The following FAM114A2 variants were observed in gnomAD, a reference collection of about 807,000 sequenced individuals.
The protein encoded by FAM114A2 is protein FAM114A2.
In FAM114A2, 53 loss-of-function variants were observed where a neutral mutation model predicts 58.4. The ratio of observed to expected loss-of-function variants is 0.91; its 90% confidence interval spans 0.73 to 1.14. The LOEUF is 1.14. FAM114A2 is among the 50% of genes most tolerant of loss of function. The pLI is 0.00. For synonymous variants in FAM114A2, 228 were observed against 211.4 expected (o/e 1.08, Z -0.68); for missense variants, 601 against 581.1 (o/e 1.03, Z -0.35).
chr5:154,005,469 C>T (rs1247047075), intron 9 of FAM114A2, among the ~76,000 whole-genome samples: 1 of 152,156 alleles, frequency 6.6e-6, no homozygotes, highest in African/African-American at 2.4e-5. Context: ...GTAAGAGTTA[C>T]CGAAATGGAA....
In FAM114A2 at chr5:154,028,204, T is replaced by C; in HGVS notation, c.575A>G (p.Asp192Gly). ...ACCCTTGGTTCTTTTAAATCCAGGA[T>C]CCCCTTCTGCTATCACATCCATTGT... The part of the protein sequence containing the change: ...KKTMDVIAEG[D>G]PGFKRTKGLM... Residue 192 changes from aspartate to glycine, a missense_variant, in exon 6 of 14, where the codon GAT becomes GGT. Asp to Gly is a moderately conservative substitution (Grantham distance 94). Coordinates refer to ENST00000351797, the MANE Select transcript of FAM114A2 (RefSeq NM_018691.4). 6.2e-7 allele frequency: 1 copy of C among 1,612,448 alleles called. No homozygotes were observed. Among genetic ancestry groups the C allele is most frequent in the Non-Finnish European group, 8.5e-7 (1 of 1,178,722 alleles).
At chr5:154,032,504 C>A (rs1372174821) in intron 4 of FAM114A2, among the ~76,000 whole-genome samples, 1 of 152,162 alleles carries the variant, frequency 6.6e-6, no homozygotes, top group Non-Finnish European at 1.5e-5. Context: ...AAACCCATAT[C>A]CTGATCTTGA....
At chr5:154,034,159 A>G (rs768315418) in intron 3 of FAM114A2, 119 bp downstream of exon 3, 96 of 684,576 alleles carry the variant, frequency 1.4e-4, no homozygotes, top group Non-Finnish European at 2.2e-4. Flanking sequence ...TGCATCCTCA[A>G]ATTATAAAGC....
At chr5:154,022,744 T>C (rs1771506115) in intron 8 of FAM114A2, among the ~76,000 whole-genome samples, 1 of 152,222 alleles carries the variant, frequency 6.6e-6, no homozygotes, top group African/African-American at 2.4e-5. Context: ...CTCAAGGATC[T>C]AGAACTAGAA....
intron 8 of FAM114A2, among the ~76,000 whole-genome samples, chr5:154,025,508 G>C (rs1277134320): frequency 6.6e-6 from 1 of 152,082 alleles, no homozygotes; most frequent in Non-Finnish European, 1.5e-5. Context: ...CTGACTCATA[G>C]ACTCCCTGAA....
chr5:154,008,674 ATGTGTG>A (rs375012511), intron 9 of FAM114A2, among the ~76,000 whole-genome samples: 2 of 151,280 alleles, frequency 1.3e-5, no homozygotes, highest in African/African-American at 2.4e-5. Context: ...CTATATGTGT[ATGTGTG>A]TGTGTGTGTG....
Position 153,991,125 on chromosome 5 carries a change from T to G in FAM114A2, c.*1851A>C, listed in dbSNP as rs1769231191. On this transcript the variant is annotated 3_prime_UTR_variant, in exon 14 of 14. Coordinates refer to ENST00000351797, the MANE Select transcript of FAM114A2 (RefSeq NM_018691.4). Reference sequence around the variant, plus strand: ...GGTGGGGAAGATGAGAAAAAAAGAGTTAGTGAGTCATATTTACCTTATGTG... The same window carrying G: ...GGTGGGGAAGATGAGAAAAAAAGAGGTAGTGAGTCATATTTACCTTATGTG... 1.3e-5 allele frequency: 2 copies of G among 151,178 alleles called. No individual in the cohort carries two copies. The highest frequency in any genetic ancestry group is 3.0e-5 in the Non-Finnish European group (2 of 67,784). The allele number at this position is 151,178 out of a possible 1,614,324, so 9.4% of individuals were successfully genotyped here.
rs748859106 is a variant in FAM114A2 at position 154,034,799 on chromosome 5, C to G, written c.155G>C (p.Arg52Thr). 6.2e-7 allele frequency: 1 copy of G among 1,614,024 alleles called. No individual in the cohort carries two copies. The highest frequency in any genetic ancestry group is 1.1e-5 in the South Asian group (1 of 91,082). Residue 52 changes from arginine to threonine, a missense_variant, in exon 2 of 14, where the codon AGA becomes ACA. Physicochemically the swap from Arg to Thr is moderately conservative, Grantham distance 71 (BLOSUM62 -1). Coordinates refer to ENST00000351797, the MANE Select transcript of FAM114A2 (RefSeq NM_018691.4). The part of the protein sequence containing the change: ...KSEPVVSTRK[R>T]PETKPSSDLE... Reference sequence around the variant, plus strand: ...GTCACTGGAAGGTTTGGTCTCTGGTCTTTTCCGAGTGGAAACTACAGGTTC... The same window carrying G: ...GTCACTGGAAGGTTTGGTCTCTGGTGTTTTCCGAGTGGAAACTACAGGTTC...
At chr5:154,038,720 C>T (rs928743930) in intron 1 of FAM114A2, 137 bp downstream of exon 1, 4 of 152,282 alleles carry the variant, frequency 2.6e-5, no homozygotes, top group Non-Finnish European at 5.9e-5. Flanking sequence ...AATCACTAAA[C>T]CGCTTTCACA....
chr5:154,015,674 G>A (rs1377053501), intron 8 of FAM114A2, among the ~76,000 whole-genome samples: 1 of 151,996 alleles, frequency 6.6e-6, no homozygotes, highest in Admixed American at 6.6e-5. Flanking sequence ...AAATGAGAAG[G>A]AACCAGAAAA....
chr5:154,005,895 A>G (rs971360306), intron 9 of FAM114A2, among the ~76,000 whole-genome samples: 4 of 152,240 alleles, frequency 2.6e-5, no homozygotes, highest in African/African-American at 9.6e-5. Context: ...CACATACAGT[A>G]CTGGAGTTAG....
At chr5:154,004,964 C>G (rs1166933735) in intron 9 of FAM114A2, among the ~76,000 whole-genome samples, 1 of 152,142 alleles carries the variant, frequency 6.6e-6, no homozygotes, top group Non-Finnish European at 1.5e-5. Flanking sequence ...AGCCTCATCT[C>G]TTATCATTTT....
intron 11 of FAM114A2, among the ~76,000 whole-genome samples, chr5:153,998,789 C>T (rs558133698): frequency 6.6e-6 from 1 of 152,186 alleles, no homozygotes; most frequent in Admixed American, 6.5e-5. Flanking sequence ...ATTACCCAGC[C>T]TCAGATATTC....
In FAM114A2 at chr5:154,002,313, T is replaced by C. The variant is rs138263333; in HGVS notation, c.1194A>G (p.Ala398=). ...CSIELFHKTA[A]LVLHGRKQEV... is the part of the protein sequence containing the mutation. ...CCTGCTTCCTGCCATGCAGAACCAATGCAGCTGTTTTGTGGAATAGTTCAA... is the reference window on the plus strand; with the variant it reads ...CCTGCTTCCTGCCATGCAGAACCAACGCAGCTGTTTTGTGGAATAGTTCAA... Residue 398 remains alanine (A), a synonymous_variant, in exon 11 of 14, where the codon GCA becomes GCG. Transcript: ENST00000351797. 5.6e-6 allele frequency: 9 copies of C among 1,613,980 alleles called. No homozygotes were observed. The highest frequency in any genetic ancestry group is 5.0e-5 in the Admixed American group (3 of 60,006).
intron 1 of FAM114A2, chr5:154,037,434 G>A (rs1402795065): frequency 1.3e-5 from 2 of 152,094 alleles, no homozygotes; most frequent in African/African-American, 4.8e-5. Flanking sequence ...TACCTACTAC[G>A]TACCAAGTAG....
intron 4 of FAM114A2, among the ~76,000 whole-genome samples, chr5:154,031,832 T>C (rs915806591): frequency 6.6e-6 from 1 of 152,188 alleles, no homozygotes; most frequent in Non-Finnish European, 1.5e-5. Context: ...CATTTCACTA[T>C]TGTGAAAGAA....
chr5:154,018,482 T>TA (rs1403759891), intron 8 of FAM114A2, among the ~76,000 whole-genome samples: 2 of 151,808 alleles, frequency 1.3e-5, no homozygotes, highest in Non-Finnish European at 2.9e-5. Context: ...CACCAGACAT[T>TA]AAAAAAAGAA....
At chr5:153,995,869 T>C (rs1296782808) in intron 12 of FAM114A2, among the ~76,000 whole-genome samples, 4 of 152,214 alleles carry the variant, frequency 2.6e-5, no homozygotes. Flanking sequence ...CTGCATACTG[T>C]GAGCACTGCC....
chr5:154,002,017 C>A lies in FAM114A2; in HGVS notation c.1256+234G>T, dbSNP rs893119239. Among the ~76,000 whole-genome samples, 25 of 152,176 alleles carry A rather than the reference C, an allele frequency of 1.6e-4. 1 individual carries two copies. Among genetic ancestry groups the A allele is most frequent in the African/African-American group, 6.0e-4 (25 of 41,490 alleles). On this transcript the variant is annotated intron_variant, in intron 11 of 13. Coordinates refer to ENST00000351797, the MANE Select transcript of FAM114A2 (RefSeq NM_018691.4). ...AAATTCCATTCCTATTAAAACTTAT[C>A]TGTAAAGAAATAGTCTTCAGAGCAT...
Sources: allele counts gnomAD v4.1 joint callset (sites outside exome capture counted in the v4.1 genomes callset), GRCh38; gene constraint gnomAD v4.1.1; transcripts MANE v1.5; gene names NCBI Gene and HGNC (gene_info 2026-07-23, HGNC 2026-07-21).